Variants in PLXNA4 observed in about 807,000 individuals in gnomAD.
PLXNA4 encodes the protein plexin A4.
PLXNA4 carries 44 observed loss-of-function variants against 191.8 expected under a neutral mutation model. The observed-to-expected ratio is 0.23, with a 90% confidence interval of 0.18 to 0.29. The LOEUF is 0.29. Ranked by LOEUF, PLXNA4 falls within the 10% of genes least tolerant of loss-of-function variation. The pLI is 1.00. For synonymous variants in PLXNA4, 1,082 were observed against 1,009.5 expected (o/e 1.07, Z -1.36); for missense variants, 1,800 against 2,488.8 (o/e 0.72, Z 5.89).
chr7:132,187,681 C>A, intron 14 of PLXNA4, 74 bp from the exon 15 acceptor site: 1 of 1,499,374 alleles, frequency 6.7e-7, no homozygotes, highest in South Asian at 1.3e-5. Flanking sequence ...CGTGAGGCAG[C>A]ACCCCACTCC....
chr7:132,142,042 T>C (rs148223451), intron 29 of PLXNA4, among the ~76,000 whole-genome samples: 75 of 152,312 alleles, frequency 4.9e-4, no homozygotes, highest in African/African-American at 1.6e-3. Flanking sequence ...GTGTGTTTCT[T>C]AGCAGGGTGA....
intron 2 of PLXNA4, among the ~76,000 whole-genome samples, chr7:132,629,394 A>G (rs1803448530): frequency 6.6e-6 from 1 of 152,232 alleles, no homozygotes; most frequent in South Asian, 2.1e-4. Context: ...GGCATCTGGT[A>G]GGTCCTATTC....
At chr7:132,552,482 G>A (rs1373905262) in intron 1 of PLXNA4, among the ~76,000 whole-genome samples, 2 of 152,186 alleles carry the variant, frequency 1.3e-5, no homozygotes, top group African/African-American at 2.4e-5. Flanking sequence ...TGAAGGGCCT[G>A]GATTCTCTAC....
chr7:132,422,837 A>G (rs1794896070), intron 3 of PLXNA4, among the ~76,000 whole-genome samples: 1 of 152,192 alleles, frequency 6.6e-6, no homozygotes, highest in Admixed American at 6.5e-5. Flanking sequence ...AGAGGATCAT[A>G]AAGATTAAGT....
intron 3 of PLXNA4, among the ~76,000 whole-genome samples, chr7:132,389,586 G>T (rs1805310691): frequency 6.6e-6 from 1 of 152,158 alleles, no homozygotes; most frequent in Non-Finnish European, 1.5e-5. Context: ...GTAGATGTGT[G>T]GAATTGTTTC....
chr7:132,279,199 A>C (rs915027058), intron 4 of PLXNA4, among the ~76,000 whole-genome samples: 1 of 152,244 alleles, frequency 6.6e-6, no homozygotes, highest in African/African-American at 2.4e-5. Context: ...TGATGGGCCA[A>C]GGTGTGCCAT....
intron 2 of PLXNA4, among the ~76,000 whole-genome samples, chr7:132,598,959 G>A (rs545180451): frequency 6.6e-6 from 1 of 152,208 alleles, no homozygotes; most frequent in Admixed American, 6.5e-5. Flanking sequence ...GTGGCATTAG[G>A]TAGGGAACTA....
intron 1 of PLXNA4, among the ~76,000 whole-genome samples, chr7:132,563,721 C>CTTT (rs1801515748): frequency 8.3e-6 from 1 of 120,738 alleles, no homozygotes; most frequent in Non-Finnish European, 1.8e-5. Context: ...TTCTCCTCCT[C>CTTT]CTCTTCCTCT....
intron 2 of PLXNA4, among the ~76,000 whole-genome samples, chr7:132,594,538 A>G (rs1488830455): frequency 1.3e-5 from 2 of 152,180 alleles, no homozygotes; most frequent in Non-Finnish European, 2.9e-5. Context: ...CAGCTTTCAA[A>G]CTGTTTGAGT....
rs376043688 is a variant in PLXNA4 at position 132,632,959 on chromosome 7, T to C, written c.-87+12969A>G. On this transcript the variant is annotated intron_variant, in intron 2 of 4. Transcript: ENST00000378539. ...ACAGAGCTGAGTCTCTAGGCTGACA[T>C]GGAGTGGAAGGTGGGGAGACAGACC... 6.8e-4 allele frequency among the ~76,000 whole-genome samples: 104 copies of C among 152,172 alleles called. 1 individual carries two copies. The highest frequency in any genetic ancestry group is 2.4e-3 in the African/African-American group (98 of 41,524).
rs137935667 is a variant in PLXNA4, at chr7:132,443,603, C to T, written c.1371+45689G>A. Among the ~76,000 whole-genome samples the T allele has an allele frequency of 3.5e-3, 535 of 152,304 alleles. 2 individuals carry two copies. Among genetic ancestry groups the T allele is most frequent in the African/African-American group, 0.012 (507 of 41,558 alleles). Reference sequence around the variant, plus strand: ...AAATAAAGACGATGAGCCGACACTGCGCGTGGTCGTGACCATGTTCCCCTG... The same window carrying T: ...AAATAAAGACGATGAGCCGACACTGTGCGTGGTCGTGACCATGTTCCCCTG... On this transcript the variant is annotated intron_variant, in intron 3 of 31. Coordinates refer to ENST00000321063, the MANE Select transcript of PLXNA4 (RefSeq NM_020911.2).
At chr7:132,181,943 C>T (rs577722741) in intron 17 of PLXNA4, among the ~76,000 whole-genome samples, 154 bp downstream of exon 17, 2 of 152,220 alleles carry the variant, frequency 1.3e-5, no homozygotes, top group Admixed American at 6.5e-5. Flanking sequence ...TGTCTTCCCC[C>T]CTATTCCACT....
chr7:132,405,279 C>A (rs1425577851), intron 3 of PLXNA4, among the ~76,000 whole-genome samples: 1 of 152,094 alleles, frequency 6.6e-6, no homozygotes, highest in Non-Finnish European at 1.5e-5. Context: ...TACCGCAATG[C>A]CGAGTTTTGG....
At chr7:132,589,364 C>A (rs749958458) in intron 2 of PLXNA4, among the ~76,000 whole-genome samples, 13 of 152,030 alleles carry the variant, frequency 8.6e-5, no homozygotes, top group Non-Finnish European at 1.9e-4. Context: ...TTAATATTGT[C>A]TCTGCTGTTA....
intron 3 of PLXNA4, among the ~76,000 whole-genome samples, chr7:132,481,414 C>T (rs964533420): frequency 2.6e-5 from 4 of 151,984 alleles, no homozygotes; most frequent in East Asian, 1.9e-4. Flanking sequence ...TTACTCGATA[C>T]GGGTCCCAGG....
At chr7:132,175,018 G>T in intron 20 of PLXNA4, 98 bp from the exon 21 acceptor site, 2 of 1,536,992 alleles carry the variant, frequency 1.3e-6, no homozygotes, top group South Asian at 2.5e-5. Context: ...GCCCCTAGGA[G>T]ACATGAGCAA....
chr7:132,593,957 A>C lies in PLXNA4; in HGVS notation c.-87+51971T>G, dbSNP rs952700825. 1.2e-4 allele frequency among the ~76,000 whole-genome samples: 18 copies of C among 152,318 alleles called. No individual in the cohort carries two copies. The East Asian group carries it at 2.3e-3, about 20-fold the overall frequency. ...GGTGGGAAGCAGTTTGCAGTGATGA[A>C]GGGAGCTCCGGGTGGTGAACCAAGA... On this transcript the variant is annotated intron_variant, in intron 2 of 4. Coordinates refer to the PLXNA4 transcript ENST00000378539.
intron 2 of PLXNA4, among the ~76,000 whole-genome samples, chr7:132,644,880 A>G (rs534065273): frequency 6.6e-6 from 1 of 152,310 alleles, no homozygotes; most frequent in African/African-American, 2.4e-5. Flanking sequence ...TCTCTCTCTC[A>G]TACTTCCCAA....
In PLXNA4 at chr7:132,259,458, AAAAAAAAAAAAAAAAGAAAAAAGG is replaced by A. The variant is rs1437483455; in HGVS notation, c.1504-18316_1504-18293del. Among the ~76,000 whole-genome samples the A allele has an allele frequency of 2.6e-3, 372 of 144,994 alleles. 3 individuals carry two copies. The highest frequency in any genetic ancestry group is 9.0e-3 in the African/African-American group (346 of 38,348). On this transcript the variant is annotated intron_variant, in intron 4 of 31. Transcript: ENST00000321063. ...ACTCAAAAAAAAAAAAAAAAAAAAAAAAAAAAAAAAAAAAAGAAAAAAGGAAAAAAGAAAAGCAAAAGAAAACCA... is the reference window on the plus strand; with the variant it reads ...ACTCAAAAAAAAAAAAAAAAAAAAAAAAAAAAGAAAAGCAAAAGAAAACCA...
Sources: gnomAD v4.1 joint callset for allele counts (sites outside exome capture counted in the v4.1 genomes callset) on GRCh38, gnomAD v4.1.1 for gene constraint, MANE v1.5 for transcripts, NCBI Gene and HGNC (gene_info 2026-07-23, HGNC 2026-07-21) for gene names.